Variants in HPSE2 observed in about 807,000 individuals in gnomAD.
HPSE2 encodes the protein heparanase 2 (inactive).
Under a neutral mutation model 60.5 loss-of-function variants are expected in HPSE2, and 38 were observed. That is an observed-to-expected ratio of 0.63 (90% CI 0.48 to 0.82). HPSE2 has a LOEUF of 0.82. HPSE2 is among the 40% of genes least tolerant of loss of function. HPSE2 has a pLI of 0.00. For synonymous variants in HPSE2, 295 were observed against 293.2 expected (o/e 1.01, Z -0.06); for missense variants, 713 against 740.4 (o/e 0.96, Z 0.43).
intron 5 of HPSE2, among the ~76,000 whole-genome samples, chr10:98,709,282 A>C (rs751236920): frequency 2.0e-5 from 3 of 152,180 alleles, no homozygotes; most frequent in African/African-American, 4.8e-5. Context: ...GGGAGAGTGA[A>C]ATTCTGTTTA....
At chr10:98,972,297 T>C (rs1955974646) in intron 3 of HPSE2, among the ~76,000 whole-genome samples, 1 of 152,126 alleles carries the variant, frequency 6.6e-6, no homozygotes, top group Non-Finnish European at 1.5e-5. Flanking sequence ...TAATCTCTTG[T>C]TGATTACAGA....
At chr10:99,104,318 G>T (rs2135657214) in intron 3 of HPSE2, among the ~76,000 whole-genome samples, 1 of 152,030 alleles carries the variant, frequency 6.6e-6, no homozygotes, top group East Asian at 1.9e-4. Flanking sequence ...TCAACAAGTG[G>T]GTGAAGGATA....
intron 6 of HPSE2, among the ~76,000 whole-genome samples, chr10:98,645,104 A>T (rs934684937): frequency 3.9e-5 from 6 of 152,230 alleles, no homozygotes; most frequent in Non-Finnish European, 8.8e-5. Flanking sequence ...GTCACTGATG[A>T]CCATCAACAT....
At chr10:98,838,763 C>T (rs1314193859) in intron 3 of HPSE2, among the ~76,000 whole-genome samples, 1 of 152,106 alleles carries the variant, frequency 6.6e-6, no homozygotes, top group Non-Finnish European at 1.5e-5. Context: ...ACATCACTAG[C>T]ACAGTGCTAG....
At chr10:98,537,397 T>G (rs1943315753) in intron 9 of HPSE2, among the ~76,000 whole-genome samples, 1 of 152,172 alleles carries the variant, frequency 6.6e-6, no homozygotes. Flanking sequence ...CACAAACTGT[T>G]TCAGTATAAT....
chr10:98,741,617 C>T (rs753297987), intron 4 of HPSE2, among the ~76,000 whole-genome samples: 6 of 149,786 alleles, frequency 4.0e-5, no homozygotes, highest in African/African-American at 7.3e-5. Context: ...ATGCCAAAAA[C>T]CCTAGAATAA....
chr10:99,184,811 TATATATATAG>T (rs1185716664), intron 2 of HPSE2, among the ~76,000 whole-genome samples: 49 of 37,882 alleles, frequency 1.3e-3, no homozygotes, highest in African/African-American at 2.9e-3. Context: ...TATATATATA[TATATATATAG>T]AGAGAGAGAG....
At chr10:99,015,683 G>A (rs1957124039) in intron 3 of HPSE2, among the ~76,000 whole-genome samples, 1 of 152,004 alleles carries the variant, frequency 6.6e-6, no homozygotes, top group African/African-American at 2.4e-5. Flanking sequence ...TGGGGGGAGA[G>A]GGGAGGGATA....
At chr10:98,645,402 A>T (rs1289250093) in intron 6 of HPSE2, among the ~76,000 whole-genome samples, 1 of 152,202 alleles carries the variant, frequency 6.6e-6, no homozygotes, top group African/African-American at 2.4e-5. Flanking sequence ...CAGAGATGTC[A>T]GAGACCCTTC....
intron 3 of HPSE2, among the ~76,000 whole-genome samples, chr10:98,804,126 C>T (rs983005389): frequency 6.6e-6 from 1 of 152,106 alleles, no homozygotes. Flanking sequence ...CTCTGTTTAT[C>T]TGTTATTAGT....
chr10:99,250,151 A>AC, the HPSE2 span, among the ~76,000 whole-genome samples: 2 of 150,620 alleles, frequency 1.3e-5, no homozygotes, highest in African/African-American at 4.9e-5. Context: ...TCAAAAAAAA[A>AC]AAAAAAAAGT....
intron 9 of HPSE2, among the ~76,000 whole-genome samples, chr10:98,595,489 A>T (rs1360079009): frequency 6.6e-6 from 1 of 152,104 alleles, no homozygotes; most frequent in Non-Finnish European, 1.5e-5. Context: ...TATTTTCTTG[A>T]TTCTTTTTCA....
intron 2 of HPSE2, among the ~76,000 whole-genome samples, chr10:99,190,536 C>T (rs1029218850): frequency 1.2e-4 from 19 of 152,284 alleles, no homozygotes; most frequent in Admixed American, 1.0e-3. Flanking sequence ...GTCTGTCTGA[C>T]TCTAAATCCA....
chr10:98,830,193 C>G (rs1375152172), intron 3 of HPSE2, among the ~76,000 whole-genome samples: 1 of 152,148 alleles, frequency 6.6e-6, no homozygotes, highest in Non-Finnish European at 1.5e-5. Context: ...ACGGAAACTG[C>G]AGTGAATGAG....
chr10:99,026,406 C>T (rs1957378610), intron 3 of HPSE2, among the ~76,000 whole-genome samples: 1 of 151,892 alleles, frequency 6.6e-6, no homozygotes, highest in African/African-American at 2.4e-5. Context: ...GTCAATTTAG[C>T]AAGAGAACAT....
rs1952066705 is a variant in HPSE2, at chr10:98,847,696, G to T, written c.611-103640C>A. Among the ~76,000 whole-genome samples, 4 of 152,302 alleles carry T rather than the reference G, an allele frequency of 2.6e-5. No homozygotes were observed. In the South Asian group the frequency reaches 8.3e-4, roughly 32 times the overall value. On this transcript the variant is annotated intron_variant, in intron 3 of 11. Transcript: ENST00000370552. The stretch of plus-strand genomic sequence containing the variant: ...ATTTGCCACCTCTGCCTTAGGTAAT[G>T]CTTGCTTGCTCTATGTATGATATGT...
chr10:98,652,741 A>T (rs1275568332), intron 6 of HPSE2, among the ~76,000 whole-genome samples: 2 of 152,230 alleles, frequency 1.3e-5, no homozygotes, highest in Non-Finnish European at 2.9e-5. Flanking sequence ...CCTAGGCTTA[A>T]TTAAATGGTA....
intron 6 of HPSE2, among the ~76,000 whole-genome samples, chr10:98,664,446 C>A (rs959623131): frequency 2.0e-5 from 3 of 152,118 alleles, no homozygotes; most frequent in Non-Finnish European, 2.9e-5. Context: ...CTTGAGGCAG[C>A]GCCATGGCTC....
chr10:98,856,870 T>C (rs2134758357), intron 3 of HPSE2, among the ~76,000 whole-genome samples: 1 of 152,308 alleles, frequency 6.6e-6, no homozygotes, highest in East Asian at 1.9e-4. Context: ...TTTTGTATTA[T>C]TCCCACATGA....
Sources: allele counts gnomAD v4.1 joint callset (sites outside exome capture counted in the v4.1 genomes callset), GRCh38; gene constraint gnomAD v4.1.1; transcripts MANE v1.5; gene names NCBI Gene and HGNC (gene_info 2026-07-23, HGNC 2026-07-21).